The following SH3D19 variants were observed in gnomAD, a reference collection of about 807,000 sequenced individuals.
SH3D19 encodes the protein SH3 domain containing 19, also known as SH3 domain-containing protein 19.
In SH3D19, 58 loss-of-function variants were observed where a neutral mutation model predicts 112.1. That is an observed-to-expected ratio of 0.52 (90% confidence interval 0.42 to 0.64). The LOEUF (loss-of-function observed/expected upper bound fraction) is 0.64, where lower values mean the gene tolerates loss of function less well. SH3D19 is among the 30% of genes least tolerant of loss of function. The pLI, the probability that SH3D19 is intolerant of heterozygous loss-of-function variation, is 0.00. For missense variants in SH3D19, 1,090 were observed against 1,263.4 expected (o/e 0.86, Z 2.08); for synonymous variants, 391 against 448.5 (o/e 0.87, Z 1.62).
chr4:151,148,821 T>A (rs751718619), intron 10 of SH3D19, among the ~76,000 whole-genome samples: 5 of 151,970 alleles, frequency 3.3e-5, no homozygotes, highest in Non-Finnish European at 5.9e-5. Context: ...GGACGGATCA[T>A]GAGGTCATGA....
At chr4:151,221,972 T>C (rs548329141) in intron 2 of SH3D19, among the ~76,000 whole-genome samples, 1 of 152,206 alleles carries the variant, frequency 6.6e-6, no homozygotes, top group Non-Finnish European at 1.5e-5. Flanking sequence ...TCACAAGAGA[T>C]ATTTATTGGC....
chr4:151,226,053 GA>G lies in SH3D19; in HGVS notation c.145del (p.Ser49LeufsTer13). On this transcript the variant is annotated frameshift_variant, in exon 2 of 20. Transcript: ENST00000604030. LOFTEE classifies it high-confidence loss of function. ...AGATACTGTAAATTCATACCTTGAA[GA>G]ACGATGTTCTGGTTTATTTCGTTCG... The part of the protein sequence containing the change: ...RNERNKPEHR[S>X]SSQGPLSSIR... 1.6e-6 allele frequency: 2 copies of G among 1,231,432 alleles called. No homozygotes were observed. Among genetic ancestry groups the G allele is most frequent in the Non-Finnish European group, 2.0e-6 (2 of 987,390 alleles). 76.3% of individuals were successfully genotyped at this position (1,231,432 alleles called of 1,614,324 possible).
intron 1 of SH3D19, chr4:151,277,252 C>T (rs1773718676): frequency 6.1e-6 from 9 of 1,464,398 alleles, no homozygotes; most frequent in Non-Finnish European, 7.3e-6. Context: ...GTTGAGAAGG[C>T]AGAGGCAGAG....
At chr4:151,277,910 G>A (rs1289848996) in intron 1 of SH3D19, among the ~76,000 whole-genome samples, 6 of 152,074 alleles carry the variant, frequency 3.9e-5, no homozygotes, top group South Asian at 2.1e-4. Flanking sequence ...GCGTGGTGGC[G>A]GGCACCTGTA....
intron 1 of SH3D19, among the ~76,000 whole-genome samples, chr4:151,233,202 TC>T (rs1430317410): frequency 6.6e-6 from 1 of 151,338 alleles, no homozygotes; most frequent in African/African-American, 2.4e-5. Flanking sequence ...AGCTCAGGGC[TC>T]CCACTGATTC....
intron 3 of SH3D19, among the ~76,000 whole-genome samples, chr4:151,187,144 A>T (rs970312919): frequency 8.4e-5 from 12 of 143,432 alleles, no homozygotes; most frequent in African/African-American, 2.0e-4. Flanking sequence ...GAGGCAAATT[A>T]AAAAAAAAAA....
chr4:151,150,990 T>G (rs1754970122), intron 9 of SH3D19, among the ~76,000 whole-genome samples: 1 of 141,024 alleles, frequency 7.1e-6, no homozygotes, highest in Non-Finnish European at 1.5e-5. Context: ...AGACAGAGTC[T>G]CACTCTGTCC....
intron 1 of SH3D19, among the ~76,000 whole-genome samples, chr4:151,250,560 G>C (rs914867212): frequency 6.6e-6 from 1 of 152,002 alleles, no homozygotes; most frequent in Non-Finnish European, 1.5e-5. Flanking sequence ...CAACCCATCA[G>C]GTGCTAGAAG....
chr4:151,304,623 T>C (rs1447178197), intron 1 of SH3D19, among the ~76,000 whole-genome samples: 1 of 152,210 alleles, frequency 6.6e-6, no homozygotes, highest in African/African-American at 2.4e-5. Flanking sequence ...AATATATTAG[T>C]TGCTGCTGCA....
chr4:151,169,885 C>T (rs1758747719), intron 7 of SH3D19, among the ~76,000 whole-genome samples: 1 of 152,114 alleles, frequency 6.6e-6, no homozygotes, highest in Non-Finnish European at 1.5e-5. Flanking sequence ...CATCCCCCTG[C>T]CCCACTAAAT....
At chr4:151,213,695 T>A (rs914720927) in intron 2 of SH3D19, among the ~76,000 whole-genome samples, 10 of 151,058 alleles carry the variant, frequency 6.6e-5, no homozygotes, top group African/African-American at 2.4e-4. Context: ...TTAATTTATT[T>A]ATTTATTTGA....
At chr4:151,132,570 T>C (rs1486302499) in intron 16 of SH3D19, among the ~76,000 whole-genome samples, 187 bp from the exon 17 acceptor site, 5 of 152,250 alleles carry the variant, frequency 3.3e-5, no homozygotes, top group Non-Finnish European at 7.3e-5. Flanking sequence ...TAGTTAATTG[T>C]AAACACAACT....
chr4:151,300,143 G>A (rs11099802), intron 1 of SH3D19, among the ~76,000 whole-genome samples: 54,264 of 151,792 alleles, frequency 0.36, 10,782 homozygotes, highest in Non-Finnish European at 0.46. Context: ...GGAGGTTGCA[G>A]TGAGCCGACA....
intron 2 of SH3D19, among the ~76,000 whole-genome samples, chr4:151,216,329 G>A (rs1767095317): frequency 6.6e-6 from 1 of 151,926 alleles, no homozygotes; most frequent in South Asian, 2.1e-4. Context: ...TTCAATAAGG[G>A]AAAATATTTG....
chr4:151,260,134 G>A lies in SH3D19; in HGVS notation c.113-34048C>T, dbSNP rs1207519135. Among the ~76,000 whole-genome samples the A allele has an allele frequency of 2.0e-5, 3 of 152,040 alleles. No individual in the cohort carries two copies. In the East Asian group the frequency reaches 5.8e-4, roughly 29 times the overall value. On this transcript the variant is annotated intron_variant, in intron 1 of 19. Transcript: ENST00000604030. ...AGTACAAGTATAATTTCTGTTATATGCCTAGACTGCATAGCAGTGATGTCA... is the reference window on the plus strand; with the variant it reads ...AGTACAAGTATAATTTCTGTTATATACCTAGACTGCATAGCAGTGATGTCA...
intron 2 of SH3D19, among the ~76,000 whole-genome samples, chr4:151,208,926 C>T (rs1346434265): frequency 6.6e-6 from 1 of 152,118 alleles, no homozygotes; most frequent in African/African-American, 2.4e-5. Flanking sequence ...ATCCGCCCGC[C>T]TCAGCCTCCC....
At chr4:151,270,591 A>G (rs1319202718) in intron 1 of SH3D19, among the ~76,000 whole-genome samples, 2 of 150,770 alleles carry the variant, frequency 1.3e-5, no homozygotes, top group Admixed American at 6.7e-5. Flanking sequence ...ATGTAATTGT[A>G]TATGTTATGC....
chr4:151,202,986 TA>T (rs1284573580), intron 2 of SH3D19, among the ~76,000 whole-genome samples: 1 of 152,126 alleles, frequency 6.6e-6, no homozygotes, highest in African/African-American at 2.4e-5. Flanking sequence ...GAATGCTGCC[TA>T]AAATTTCAAG....
intron 3 of SH3D19, among the ~76,000 whole-genome samples, chr4:151,186,590 C>T (rs961343302): frequency 6.6e-5 from 10 of 151,432 alleles, no homozygotes; most frequent in East Asian, 3.9e-4. Context: ...CCTGCCACCA[C>T]GCCCAGCTAA....
Sources: gnomAD v4.1 joint callset for allele counts (sites outside exome capture counted in the v4.1 genomes callset) on GRCh38, gnomAD v4.1.1 for gene constraint, MANE v1.5 for transcripts, NCBI Gene and HGNC (gene_info 2026-07-23, HGNC 2026-07-21) for gene names.